Variants in STK32B observed in about 807,000 individuals in gnomAD.
The protein encoded by STK32B is serine/threonine kinase 32B.
In STK32B, 43 loss-of-function variants were observed where a neutral mutation model predicts 52.6. The ratio of observed to expected loss-of-function variants is 0.82; its 90% CI spans 0.64 to 1.05. The LOEUF (loss-of-function observed/expected upper bound fraction) is 1.05, where lower values mean the gene tolerates loss of function less well. Among genes scored for constraint, STK32B ranks in the 50% least tolerant of loss-of-function variants. The pLI, the probability that STK32B is intolerant of heterozygous loss-of-function variation, is 0.00. For synonymous variants in STK32B, 238 were observed against 204.3 expected, an observed-to-expected ratio of 1.17 and a Z score of -1.41; for missense variants, 621 against 534.6, an observed-to-expected ratio of 1.16 and a Z score of -1.59.
intron 3 of STK32B, among the ~76,000 whole-genome samples, chr4:5,204,550 A>G (rs1394001458): frequency 2.0e-5 from 3 of 151,546 alleles, no homozygotes; most frequent in African/African-American, 4.9e-5. Context: ...ACTCACTGCA[A>G]TCTCCGCCTC....
rs190545135 is a variant in STK32B, at chr4:5,301,270, A to G, written c.261-29950A>G. Among the ~76,000 whole-genome samples the G allele has an allele frequency of 1.4e-3, 216 of 152,178 alleles. 7 individuals carry two copies. Among genetic ancestry groups the G allele is most frequent in the Middle Eastern group, 3.4e-3 (1 of 294 alleles). ...TGATGTCTTTGGTTTTGGTGTCAGG[A>G]TAATGCTTGCTAGAAAGCATCGGAA... is the stretch of plus-strand genomic sequence containing the variant. On this transcript the variant is annotated intron_variant, in intron 3 of 11. Coordinates refer to ENST00000282908, the MANE Select transcript of STK32B (RefSeq NM_018401.3).
chr4:5,332,391 C>T (rs1732321502), intron 4 of STK32B, among the ~76,000 whole-genome samples: 1 of 152,104 alleles, frequency 6.6e-6, no homozygotes, highest in South Asian at 2.1e-4. Flanking sequence ...TCCCCAAAAG[C>T]TCAGGAATTG....
chr4:5,127,951 A>G (rs900751144), intron 1 of STK32B, among the ~76,000 whole-genome samples: 5 of 152,208 alleles, frequency 3.3e-5, no homozygotes, highest in African/African-American at 7.2e-5. Flanking sequence ...CTGTTACCAT[A>G]TAAGATGTGA....
At chr4:5,306,929 G>T in intron 3 of STK32B, among the ~76,000 whole-genome samples, 1 of 152,060 alleles carries the variant, frequency 6.6e-6, no homozygotes, top group East Asian at 1.9e-4. Flanking sequence ...ATTCTTGGCT[G>T]AAAACTGTTT....
intron 3 of STK32B, among the ~76,000 whole-genome samples, chr4:5,186,908 CA>C (rs1719008547): frequency 6.6e-6 from 1 of 152,200 alleles, no homozygotes; most frequent in Admixed American, 6.5e-5. Flanking sequence ...TGTTATTCTT[CA>C]GGGGGCAGGA....
chr4:5,444,307 A>G (rs1215081262), intron 6 of STK32B, among the ~76,000 whole-genome samples: 4 of 152,156 alleles, frequency 2.6e-5, no homozygotes, highest in East Asian at 1.9e-4. Flanking sequence ...CTTGTGGTGC[A>G]CCGTTTTTTA....
chr4:5,278,002 C>T (rs911128861), intron 3 of STK32B, among the ~76,000 whole-genome samples: 1 of 152,146 alleles, frequency 6.6e-6, no homozygotes. Context: ...AGGTAGCCAC[C>T]ATAAGGCTGC....
At chr4:5,334,871 C>G (rs535751304) in intron 4 of STK32B, among the ~76,000 whole-genome samples, 56 of 151,938 alleles carry the variant, frequency 3.7e-4, no homozygotes, top group Middle Eastern at 6.8e-3. Flanking sequence ...CTGCTGGATT[C>G]GGTTTGCCAG....
chr4:5,371,010 A>ATATATATATACACATATATGTGTGTG (rs1735197353), intron 4 of STK32B, among the ~76,000 whole-genome samples: 3 of 148,630 alleles, frequency 2.0e-5, no homozygotes, highest in African/African-American at 7.5e-5. Context: ...ATATATATAT[A>ATATATATATACACATATATGTGTGTG]TGTATATATA....
intron 3 of STK32B, among the ~76,000 whole-genome samples, chr4:5,328,325 A>G (rs888430694): frequency 1.7e-4 from 26 of 152,338 alleles, no homozygotes; most frequent in Middle Eastern, 6.8e-3. Flanking sequence ...CTTTCAGCCT[A>G]TCTTGGCATT....
intron 3 of STK32B, among the ~76,000 whole-genome samples, chr4:5,315,158 C>CA (rs1730580933): frequency 6.6e-6 from 1 of 152,006 alleles, no homozygotes; most frequent in South Asian, 2.1e-4. Flanking sequence ...AAAAAATGAG[C>CA]AAAAGACATG....
At chr4:5,494,848 G>T (rs6446365) in intron 11 of STK32B, among the ~76,000 whole-genome samples, 5,620 of 152,090 alleles carry the variant, frequency 0.037, 274 homozygotes, top group African/African-American at 0.11. Flanking sequence ...TTAGTTTGGC[G>T]GGATATGAAA....
intron 3 of STK32B, among the ~76,000 whole-genome samples, chr4:5,193,489 A>G (rs1174199807): frequency 6.6e-6 from 1 of 152,150 alleles, no homozygotes; most frequent in Non-Finnish European, 1.5e-5. Context: ...ATCTCCCACC[A>G]TGGACCTTGC....
At chr4:5,023,001 A>ATGTG in the STK32B span, among the ~76,000 whole-genome samples, 21 of 150,108 alleles carry the variant, frequency 1.4e-4, no homozygotes, top group South Asian at 1.7e-3. Context: ...GTATGAAGGC[A>ATGTG]TGTGTGTGTG....
chr4:5,058,365 G>C lies in STK32B; in HGVS notation c.52+6450G>C, dbSNP rs1202608855. 2.0e-5 allele frequency among the ~76,000 whole-genome samples: 3 copies of C among 152,128 alleles called. No homozygotes were observed. Among genetic ancestry groups the C allele is most frequent in the Admixed American group, 2.0e-4 (3 of 15,278 alleles). On this transcript the variant is annotated intron_variant, in intron 1 of 11. Coordinates refer to ENST00000282908, the MANE Select transcript of STK32B (RefSeq NM_018401.3). The surrounding 1 kb of genome is among the most constrained non-coding windows in gnomAD (Gnocchi z 4.8). The stretch of plus-strand genomic sequence containing the variant: ...CTGAGATGACATATGTCACATCTTG[G>C]AGAAAGTATTGAAGACCTAGTGAGT...
At chr4:5,208,322 G>A (rs566664730) in intron 3 of STK32B, among the ~76,000 whole-genome samples, 6 of 152,286 alleles carry the variant, frequency 3.9e-5, no homozygotes, top group South Asian at 2.1e-4. Context: ...AAGGAGCGCC[G>A]GATATTGCTG....
intron 4 of STK32B, among the ~76,000 whole-genome samples, chr4:5,382,475 C>T (rs149725971): frequency 0.011 from 1,712 of 152,154 alleles, 21 homozygotes; most frequent in South Asian, 0.057. Flanking sequence ...TGGCTCCTTC[C>T]CTCTCATCTG....
At chr4:5,392,429 AAAT>A (rs1405201753) in intron 4 of STK32B, among the ~76,000 whole-genome samples, 8 of 152,224 alleles carry the variant, frequency 5.3e-5, no homozygotes, top group Non-Finnish European at 1.2e-4. Context: ...CCATCTCAAA[AAAT>A]AATAATTAAT....
chr4:5,209,292 G>A (rs1722766453), intron 3 of STK32B, among the ~76,000 whole-genome samples: 1 of 152,180 alleles, frequency 6.6e-6, no homozygotes, highest in South Asian at 2.1e-4. Context: ...CACAATCACA[G>A]CTCACTGCAG....
Sources: gnomAD v4.1 joint callset for allele counts (sites outside exome capture counted in the v4.1 genomes callset) on GRCh38, gnomAD v4.1.1 for gene constraint, Gnocchi (gnomAD v3.1) non-coding constraint, MANE v1.5 for transcripts, NCBI Gene and HGNC (gene_info 2026-07-23, HGNC 2026-07-21) for gene names.